Variants in MGMT observed in about 807,000 individuals in gnomAD.
MGMT encodes the protein O-6-methylguanine-DNA methyltransferase, also known as methylated-DNA--protein-cysteine methyltransferase.
A neutral mutation model predicts 15.9 loss-of-function variants in MGMT; 14 were observed. The observed-to-expected ratio is 0.88, with a 90% CI of 0.58 to 1.37. The LOEUF (loss-of-function observed/expected upper bound fraction) is 1.37. MGMT is among the 40% of genes most tolerant of loss of function. The probability of loss-of-function intolerance (pLI) is 0.00; values close to 1 mark genes in which losing one functional copy is unlikely to be tolerated. For synonymous variants in MGMT, 130 were observed against 118.2 expected (o/e 1.10, Z -0.65); for missense variants, 282 against 268.1 (o/e 1.05, Z -0.36).
At chr10:129,691,668 G>A (rs1452879924) in intron 2 of MGMT, among the ~76,000 whole-genome samples, 1 of 151,888 alleles carries the variant, frequency 6.6e-6, no homozygotes, top group African/African-American at 2.4e-5. Flanking sequence ...TGAAGGAGGG[G>A]CCCGGGAGTG....
At chr10:129,523,954 G>C (rs995345627) in intron 1 of MGMT, among the ~76,000 whole-genome samples, 3 of 152,180 alleles carry the variant, frequency 2.0e-5, no homozygotes, top group Non-Finnish European at 4.4e-5. Flanking sequence ...GGAAGTGTCC[G>C]CTCAGACACT....
chr10:129,760,639 T>C (rs1848861824), intron 4 of MGMT, among the ~76,000 whole-genome samples: 2 of 152,344 alleles, frequency 1.3e-5, no homozygotes, highest in South Asian at 4.1e-4. Flanking sequence ...TTCTAGGAGA[T>C]GACAGTTACG....
At chr10:129,477,626 A>C (rs946335795) in intron 1 of MGMT, among the ~76,000 whole-genome samples, 11 of 152,206 alleles carry the variant, frequency 7.2e-5, no homozygotes, top group Admixed American at 6.5e-5. Context: ...GGACACAGCG[A>C]GGAGGAGGCT....
At chr10:129,753,348 TAC>T (rs1848770239) in intron 3 of MGMT, among the ~76,000 whole-genome samples, 1 of 152,214 alleles carries the variant, frequency 6.6e-6, no homozygotes, top group Non-Finnish European at 1.5e-5. Context: ...ATCTTAAATC[TAC>T]AGTTGTGTAT....
intron 1 of MGMT, among the ~76,000 whole-genome samples, chr10:129,488,211 C>T (rs1845432982): frequency 6.6e-6 from 1 of 152,068 alleles, no homozygotes; most frequent in Non-Finnish European, 1.5e-5. Flanking sequence ...GATTAGACCC[C>T]AGTCAGTTAA....
intron 3 of MGMT, among the ~76,000 whole-genome samples, chr10:129,711,443 C>T (rs989805298): frequency 3.2e-4 from 49 of 152,280 alleles, no homozygotes; most frequent in African/African-American, 1.1e-3. Context: ...CCGGGGCTGC[C>T]TCATTGTGAG....
intron 2 of MGMT, among the ~76,000 whole-genome samples, chr10:129,594,430 A>T (rs527250306): frequency 6.6e-6 from 1 of 152,380 alleles, no homozygotes; most frequent in South Asian, 2.1e-4. Context: ...GCATATTAAA[A>T]TATGTTCAGT....
At chr10:129,623,994 C>T (rs969935434) in intron 2 of MGMT, among the ~76,000 whole-genome samples, 4 of 152,352 alleles carry the variant, frequency 2.6e-5, no homozygotes, top group Middle Eastern at 3.4e-3. Context: ...CTGCTAGCCC[C>T]GTGCAGGGGT....
At chr10:129,752,392 G>A (rs1394274166) in intron 3 of MGMT, among the ~76,000 whole-genome samples, 3 of 151,558 alleles carry the variant, frequency 2.0e-5, no homozygotes, top group Non-Finnish European at 3.0e-5. Flanking sequence ...TCTTTATGAC[G>A]GCATTTTCTT....
At chr10:129,633,768 C>T (rs751700718) in intron 2 of MGMT, among the ~76,000 whole-genome samples, 13 of 152,074 alleles carry the variant, frequency 8.5e-5, no homozygotes, top group Non-Finnish European at 1.6e-4. Flanking sequence ...ACAGATAAAA[C>T]GACAAATATT....
At chr10:129,551,780 C>T (rs754369119) in intron 2 of MGMT, among the ~76,000 whole-genome samples, 2 of 152,134 alleles carry the variant, frequency 1.3e-5, no homozygotes, top group Non-Finnish European at 2.9e-5. Flanking sequence ...TTCAGCAGAC[C>T]GGTGGAACAT....
intron 2 of MGMT, among the ~76,000 whole-genome samples, chr10:129,633,967 C>A (rs1300156098): frequency 6.6e-6 from 1 of 152,140 alleles, no homozygotes; most frequent in Admixed American, 6.5e-5. Context: ...TGTTTAGATC[C>A]ATTTCCACCT....
intron 2 of MGMT, among the ~76,000 whole-genome samples, chr10:129,595,025 C>T (rs1044615089): frequency 2.0e-5 from 3 of 152,208 alleles, no homozygotes; most frequent in African/African-American, 7.2e-5. Context: ...TGCCGTCTCT[C>T]GGGGCCTTCC....
intron 3 of MGMT, among the ~76,000 whole-genome samples, chr10:129,736,086 G>A (rs1848557218): frequency 7.4e-6 from 1 of 134,594 alleles, no homozygotes; most frequent in Admixed American, 7.8e-5. Context: ...TCCTCTTGGT[G>A]CAGAGCTGAG....
In MGMT at chr10:129,661,136, G is replaced by A. The variant is rs370695850; in HGVS notation, c.126-46759G>A. The stretch of plus-strand genomic sequence containing the variant: ...CTTCCTAATATATCATAGGCTTTCC[G>A]CAGCTGGTTCTGTATTATGGATTAC... On this transcript the variant is annotated intron_variant, in intron 2 of 4. Coordinates refer to ENST00000651593, the MANE Select transcript of MGMT (RefSeq NM_002412.5). Among the ~76,000 whole-genome samples the A allele has an allele frequency of 7.2e-5, 11 of 152,048 alleles. No individual in the cohort carries two copies. The South Asian group carries it at 8.3e-4, about 11-fold the overall frequency.
chr10:129,511,834 C>T (rs1176393615), intron 1 of MGMT, among the ~76,000 whole-genome samples: 2 of 152,180 alleles, frequency 1.3e-5, no homozygotes, highest in East Asian at 3.9e-4. Context: ...ATCACCTGGG[C>T]CTACCCACTC....
chr10:129,520,704 G>A (rs532512518), intron 1 of MGMT, among the ~76,000 whole-genome samples: 20 of 150,292 alleles, frequency 1.3e-4, no homozygotes, highest in Admixed American at 4.0e-4. Flanking sequence ...GAACCCCTAC[G>A]GTGAGGGTGC....
chr10:129,544,243 G>A (rs917220862), intron 2 of MGMT, among the ~76,000 whole-genome samples: 7 of 152,198 alleles, frequency 4.6e-5, no homozygotes, highest in Non-Finnish European at 1.0e-4. Flanking sequence ...GAATTACATT[G>A]TATGCTGTGC....
At chr10:129,467,784 C>T (rs564474479) in intron 1 of MGMT, among the ~76,000 whole-genome samples, 1 of 152,316 alleles carries the variant, frequency 6.6e-6, no homozygotes, top group South Asian at 2.1e-4. Flanking sequence ...TGTTTGTGTA[C>T]ATCATACCCT....
Sources: gnomAD v4.1 joint callset for allele counts (sites outside exome capture counted in the v4.1 genomes callset) on GRCh38, gnomAD v4.1.1 for gene constraint, MANE v1.5 for transcripts, NCBI Gene and HGNC (gene_info 2026-07-23, HGNC 2026-07-21) for gene names.